The following OTOGL variants were observed in gnomAD, a reference collection of about 807,000 sequenced individuals.
The protein encoded by OTOGL is otogelin like.
A neutral mutation model predicts 318.5 loss-of-function variants in OTOGL; 285 were observed. The ratio of observed to expected loss-of-function variants is 0.89; its 90% CI spans 0.81 to 0.99. OTOGL has a LOEUF of 0.99. Ranked by LOEUF, OTOGL falls within the 50% of genes least tolerant of loss-of-function variation. OTOGL has a pLI of 0.00. For missense variants in OTOGL, 2,899 were observed against 2,845.6 expected (o/e 1.02, Z -0.43); for synonymous variants, 987 against 936.5 (o/e 1.05, Z -0.99).
chr12:80,131,724 T>C (rs1466753665), intron 1 of OTOGL: 2 of 152,240 alleles, frequency 1.3e-5, no homozygotes, highest in Non-Finnish European at 2.9e-5. Flanking sequence ...AACTCATTGA[T>C]TTAGATACAT....
chr12:80,360,853 T>A (rs1453141393), intron 52 of OTOGL, among the ~76,000 whole-genome samples: 1 of 152,084 alleles, frequency 6.6e-6, no homozygotes, highest in Non-Finnish European at 1.5e-5. Context: ...TTTTTATTTA[T>A]TTATTTTTAA....
At chr12:80,332,642 A>T (rs528716064) in intron 37 of OTOGL, among the ~76,000 whole-genome samples, 1 of 152,346 alleles carries the variant, frequency 6.6e-6, no homozygotes, top group African/African-American at 2.4e-5. Context: ...GAAGATTTTT[A>T]ACTTCTGAGG....
chr12:80,346,938 A>T (rs779648085), intron 44 of OTOGL, among the ~76,000 whole-genome samples: 10 of 152,190 alleles, frequency 6.6e-5, no homozygotes, highest in Non-Finnish European at 1.5e-4. Context: ...GCTTGTTGAT[A>T]CTCAATCTGT....
intron 38 of OTOGL, 114 bp downstream of exon 38, chr12:80,333,192 G>T (rs2137897538): frequency 1.2e-6 from 1 of 815,442 alleles, no homozygotes. Context: ...CTCTAGTCTA[G>T]CCTTGCTAAA....
At chr12:80,268,304 C>T (rs113963244) in intron 22 of OTOGL, among the ~76,000 whole-genome samples, 3 of 152,018 alleles carry the variant, frequency 2.0e-5, no homozygotes, top group African/African-American at 7.3e-5. Context: ...TATTAAAATA[C>T]TTACTCATCA....
At chr12:80,305,419 A>T (rs1351473451) in intron 28 of OTOGL, among the ~76,000 whole-genome samples, 157 bp from the exon 29 acceptor site, 1 of 152,244 alleles carries the variant, frequency 6.6e-6, no homozygotes, top group Non-Finnish European at 1.5e-5. Context: ...TTAAATTGGT[A>T]TGAGAAAATC....
chr12:80,165,709 C>T (rs1221482934), intron 1 of OTOGL, among the ~76,000 whole-genome samples: 1 of 152,240 alleles, frequency 6.6e-6, no homozygotes, highest in African/African-American at 2.4e-5. Context: ...TCCCATCCAG[C>T]ACCCAGACCT....
At chr12:80,332,827 C>A (rs2137895679) in intron 37 of OTOGL, among the ~76,000 whole-genome samples, 178 bp from the exon 38 acceptor site, 1 of 152,304 alleles carries the variant, frequency 6.6e-6, no homozygotes, top group Admixed American at 6.5e-5. Context: ...TTCTCTACAG[C>A]TTAGTTTCCT....
At chr12:80,377,770 G>C in intron 58 of OTOGL, 78 bp from the exon 59 acceptor site, 1 of 1,144,170 alleles carries the variant, frequency 8.7e-7, no homozygotes. Context: ...ATTTTCATCA[G>C]ATTTTCTTAG....
At chr12:80,110,156 C>T (rs1437156449) in intron 1 of OTOGL, among the ~76,000 whole-genome samples, 1 of 146,796 alleles carries the variant, frequency 6.8e-6, no homozygotes, top group East Asian at 2.0e-4. Flanking sequence ...CAAGCTTCGT[C>T]TCCCAGGTTC....
At chr12:80,318,053 C>G (rs991327646) in intron 32 of OTOGL, among the ~76,000 whole-genome samples, 2 of 152,100 alleles carry the variant, frequency 1.3e-5, no homozygotes, top group African/African-American at 4.8e-5. Context: ...TGTTCTTCTC[C>G]TTGTCCTTGT....
chr12:80,310,472 GC>G (rs1565974759), intron 29 of OTOGL, 138 bp from the exon 30 acceptor site: 1 of 602,466 alleles, frequency 1.7e-6, no homozygotes, highest in Non-Finnish European at 2.9e-6. Context: ...TAGGATGTGA[GC>G]AGGTGCTTTA....
intron 57 of OTOGL, among the ~76,000 whole-genome samples, chr12:80,373,261 G>A (rs970923363): frequency 2.6e-5 from 4 of 151,950 alleles, no homozygotes; most frequent in South Asian, 2.1e-4. Flanking sequence ...GTGAAACCCC[G>A]TCTCTACTAA....
rs995496010 is a variant in OTOGL at position 80,275,189 on chromosome 12, A to G, written c.2682-2979A>G. ...AAAGAAAATTGAAAATATTTTGGAG[A>G]GTATTCACTATTCTAAATACCATTA... On this transcript the variant is annotated intron_variant, in intron 24 of 58. Transcript: ENST00000547103. Among the ~76,000 whole-genome samples the G allele has an allele frequency of 4.6e-5, 7 of 151,982 alleles. 1 individual carries two copies.
chr12:80,343,235 T>C (rs930662952), intron 44 of OTOGL, among the ~76,000 whole-genome samples: 1 of 152,052 alleles, frequency 6.6e-6, no homozygotes, highest in African/African-American at 2.4e-5. Flanking sequence ...GAGGGAGGGA[T>C]GGAGTTCCAG....
At position 80,238,973 on chromosome 12, in the gene OTOGL, T is replaced by C; in HGVS notation, c.940T>C (p.Phe314Leu). Residue 314 changes from phenylalanine (F) to leucine (L), a missense_variant, in exon 10 of 59, where the codon TTT becomes CTT. Phe to Leu is a conservative substitution (Grantham distance 22). Transcript: ENST00000547103. Reference sequence around the variant, plus strand: ...TCCGTGCTCCAGTGGAATGCCAGCATTTGAGGTAAATTTGATGTGAGAAAT... The same window carrying C: ...TCCGTGCTCCAGTGGAATGCCAGCACTTGAGGTAAATTTGATGTGAGAAAT... ...PNPCSSGMPA[F>L]EAIFFKCQIL... is the part of the protein sequence containing the mutation. 6.3e-7 allele frequency: 1 copy of C among 1,596,258 alleles called. No individual in the cohort carries two copies.
chr12:80,112,455 G>C (rs527724696), intron 1 of OTOGL, among the ~76,000 whole-genome samples: 39 of 152,192 alleles, frequency 2.6e-4, no homozygotes, highest in African/African-American at 9.1e-4. Context: ...TAGCATGAAG[G>C]GGTGTTGAAT....
intron 1 of OTOGL, among the ~76,000 whole-genome samples, chr12:80,158,510 T>C (rs1281888655): frequency 6.6e-6 from 1 of 151,958 alleles, no homozygotes; most frequent in East Asian, 1.9e-4. Flanking sequence ...AGATAGGAGG[T>C]AAAGGCATTC....
chr12:80,232,109 T>C (rs768905410), intron 8 of OTOGL, among the ~76,000 whole-genome samples: 8 of 152,230 alleles, frequency 5.3e-5, no homozygotes, highest in Non-Finnish European at 8.8e-5. Flanking sequence ...TGTCACCCAC[T>C]TCCTTTATAT....
Sources: allele counts gnomAD v4.1 joint callset (sites outside exome capture counted in the v4.1 genomes callset), GRCh38; gene constraint gnomAD v4.1.1; transcripts MANE v1.5; gene names NCBI Gene and HGNC (gene_info 2026-07-23, HGNC 2026-07-21).